Variants in KLF12 observed in about 807,000 individuals in gnomAD.
KLF12 encodes KLF transcription factor 12.
Under a neutral mutation model 37.8 loss-of-function variants are expected in KLF12, and 9 were observed. The ratio of observed to expected loss-of-function variants is 0.24; its 90% CI spans 0.14 to 0.42. The LOEUF (loss-of-function observed/expected upper bound fraction) is 0.42, where lower values mean the gene tolerates loss of function less well. Ranked by LOEUF, KLF12 falls within the 10% of genes least tolerant of loss-of-function variation. KLF12 has a pLI of 1.00. For synonymous variants in KLF12, 208 were observed against 202.1 expected (o/e 1.03, Z -0.25); for missense variants, 411 against 516.0 (o/e 0.80, Z 1.97).
chr13:73,765,459 A>T (rs916109264), intron 5 of KLF12, among the ~76,000 whole-genome samples: 1 of 152,206 alleles, frequency 6.6e-6, no homozygotes, highest in Non-Finnish European at 1.5e-5. Context: ...AAACAACGTT[A>T]TTCAAATGTG....
chr13:73,997,282 C>T (rs758019056), intron 1 of KLF12, among the ~76,000 whole-genome samples: 1 of 152,068 alleles, frequency 6.6e-6, no homozygotes, highest in African/African-American at 2.4e-5. Flanking sequence ...TTAAGCAACT[C>T]GTTCAACCTC....
chr13:74,259,018 A>T, the KLF12 span: 2 of 152,260 alleles, frequency 1.3e-5, no homozygotes, highest in East Asian at 1.9e-4. Context: ...TAGGGTACTG[A>T]TCAGCTAATT....
chr13:74,175,267 C>G, the KLF12 span, among the ~76,000 whole-genome samples: 1 of 152,202 alleles, frequency 6.6e-6, no homozygotes, highest in Non-Finnish European at 1.5e-5. Context: ...GCATTTGTTT[C>G]TAACTCTAAC....
At chr13:73,887,271 T>C (rs916603166) in intron 3 of KLF12, among the ~76,000 whole-genome samples, 2 of 152,188 alleles carry the variant, frequency 1.3e-5, no homozygotes, top group Non-Finnish European at 2.9e-5. Context: ...AATTAAAAGA[T>C]GATATGGTTT....
chr13:73,839,732 A>G (rs1344398351), intron 4 of KLF12, among the ~76,000 whole-genome samples: 1 of 152,224 alleles, frequency 6.6e-6, no homozygotes, highest in Non-Finnish European at 1.5e-5. Flanking sequence ...TTGTACTGTG[A>G]ACACACCTGC....
the KLF12 span, among the ~76,000 whole-genome samples, chr13:74,157,361 A>G: frequency 3.9e-5 from 6 of 152,364 alleles, no homozygotes; most frequent in East Asian, 1.2e-3. Flanking sequence ...CAAAGGTCCC[A>G]TAGCAGGGCT....
the KLF12 span, among the ~76,000 whole-genome samples, chr13:74,296,182 G>A: frequency 6.7e-6 from 1 of 148,360 alleles, no homozygotes; most frequent in African/African-American, 2.5e-5. Context: ...TAAATGCTTT[G>A]TGTCCACAAT....
chr13:73,843,932 A>G (rs918915180), intron 4 of KLF12, among the ~76,000 whole-genome samples: 10 of 152,188 alleles, frequency 6.6e-5, no homozygotes, highest in Non-Finnish European at 2.9e-5. Flanking sequence ...CTACTACAAT[A>G]ATTCATTTTC....
At chr13:74,108,793 T>C (rs1054606450) in intron 1 of KLF12, among the ~76,000 whole-genome samples, 1 of 152,190 alleles carries the variant, frequency 6.6e-6, no homozygotes, top group Non-Finnish European at 1.5e-5. Context: ...TTCATCTTCA[T>C]TGCCTTCAAA....
chr13:73,993,087 G>T (rs1892015265), intron 2 of KLF12, among the ~76,000 whole-genome samples: 1 of 152,080 alleles, frequency 6.6e-6, no homozygotes, highest in African/African-American at 2.4e-5. Context: ...CAAAAAATTA[G>T]CTAGGCAACA....
the KLF12 span, among the ~76,000 whole-genome samples, chr13:74,193,103 C>T: frequency 3.3e-5 from 5 of 151,892 alleles, no homozygotes; most frequent in Admixed American, 6.6e-5. Flanking sequence ...CTCAGCCTCC[C>T]GAGTAGTTGG....
At chr13:74,077,013 A>G (rs564647642) in intron 1 of KLF12, among the ~76,000 whole-genome samples, 3 of 152,296 alleles carry the variant, frequency 2.0e-5, no homozygotes, top group African/African-American at 7.2e-5. Context: ...TCTGTGGTGT[A>G]TATGTACCAC....
intron 4 of KLF12, among the ~76,000 whole-genome samples, chr13:73,843,997 T>A (rs77999846): frequency 0.057 from 8,697 of 152,148 alleles, 285 homozygotes; most frequent in African/African-American, 0.075. Context: ...AATAAAAATC[T>A]CTCTCACAAA....
At chr13:74,275,867 TATC>T in the KLF12 span, among the ~76,000 whole-genome samples, 24 of 79,296 alleles carry the variant, frequency 3.0e-4, no homozygotes, top group African/African-American at 1.0e-3. Flanking sequence ...TCTTTCTTTC[TATC>T]TTTCTTTCTT....
intron 3 of KLF12, among the ~76,000 whole-genome samples, chr13:73,872,579 T>G (rs928758444): frequency 1.5e-4 from 23 of 152,032 alleles, no homozygotes; most frequent in African/African-American, 5.3e-4. Flanking sequence ...TGGGTAAGAC[T>G]CCACTAATGA....
intron 5 of KLF12, among the ~76,000 whole-genome samples, chr13:73,767,942 G>C (rs1483083374): frequency 2.6e-5 from 4 of 152,176 alleles, no homozygotes; most frequent in Non-Finnish European, 4.4e-5. Flanking sequence ...GCAACATCTT[G>C]ATTCCCAACA....
chr13:73,975,243 G>T (rs1891478012), intron 2 of KLF12, among the ~76,000 whole-genome samples: 1 of 152,078 alleles, frequency 6.6e-6, no homozygotes, highest in South Asian at 2.1e-4. Flanking sequence ...ATAGAATGAG[G>T]TATTGTCCAA....
At chr13:73,872,138 G>C (rs188961530) in intron 3 of KLF12, among the ~76,000 whole-genome samples, 2 of 152,106 alleles carry the variant, frequency 1.3e-5, no homozygotes, top group East Asian at 3.9e-4. Context: ...AAGGGATTCT[G>C]ACACATCCTG....
the KLF12 span, among the ~76,000 whole-genome samples, chr13:74,159,237 C>T: frequency 2.0e-5 from 3 of 152,216 alleles, no homozygotes; most frequent in East Asian, 3.9e-4. Flanking sequence ...CAGGGGACAC[C>T]CTTCAGAAAA....
Sources: allele counts gnomAD v4.1 joint callset (sites outside exome capture counted in the v4.1 genomes callset), GRCh38; gene constraint gnomAD v4.1.1; transcripts MANE v1.5; gene names NCBI Gene and HGNC (gene_info 2026-07-23, HGNC 2026-07-21).